GLIS1: variants seen among roughly 807,000 people sequenced by gnomAD.
GLIS1 encodes zinc finger protein GLIS1.
In GLIS1, 24 loss-of-function variants were observed where a neutral mutation model predicts 63.8. The ratio of observed to expected loss-of-function variants is 0.38; its 90% CI spans 0.27 to 0.53. The LOEUF is 0.53. Among genes scored for constraint, GLIS1 ranks in the 20% least tolerant of loss-of-function variants. The probability of loss-of-function intolerance (pLI) is 0.85; values close to 1 mark genes in which losing one functional copy is unlikely to be tolerated. For missense variants in GLIS1, 1,036 were observed against 1,074.1 expected (o/e 0.96, Z 0.50); for synonymous variants, 450 against 482.5 (o/e 0.93, Z 0.88).
At chr1:53,691,338 T>C (rs1195130871) in intron 2 of GLIS1, among the ~76,000 whole-genome samples, 2 of 152,146 alleles carry the variant, frequency 1.3e-5, no homozygotes, top group Non-Finnish European at 2.9e-5. Flanking sequence ...CCTGCTCATC[T>C]CATCATCCCC....
chr1:53,643,341 G>T (rs1469339292), intron 2 of GLIS1, among the ~76,000 whole-genome samples: 1 of 152,214 alleles, frequency 6.6e-6, no homozygotes, highest in Non-Finnish European at 1.5e-5. Context: ...TTTGGTTGGG[G>T]GCAGTAGTGT....
intron 4 of GLIS1, among the ~76,000 whole-genome samples, chr1:53,580,922 C>T (rs1371616308): frequency 6.6e-6 from 1 of 152,166 alleles, no homozygotes; most frequent in East Asian, 1.9e-4. Context: ...CAGAGATGGG[C>T]TTAATGATAA....
At chr1:53,689,744 CATG>C (rs961781931) in intron 2 of GLIS1, among the ~76,000 whole-genome samples, 3 of 152,184 alleles carry the variant, frequency 2.0e-5, no homozygotes, top group African/African-American at 7.2e-5. Context: ...TGTCCAGGAG[CATG>C]GCATCTGTGA....
chr1:53,615,639 C>A (rs1303377698), intron 2 of GLIS1, among the ~76,000 whole-genome samples: 1 of 152,166 alleles, frequency 6.6e-6, no homozygotes. Context: ...TAGTATGATT[C>A]CAAAATTCAA....
chr1:53,588,907 C>A (rs1038690491), intron 4 of GLIS1, among the ~76,000 whole-genome samples: 4 of 152,224 alleles, frequency 2.6e-5, no homozygotes, highest in African/African-American at 9.6e-5. Flanking sequence ...CATGGTAATT[C>A]ATGGCTGGCC....
intron 4 of GLIS1, among the ~76,000 whole-genome samples, chr1:53,532,332 TCAGA>T (rs749882578): frequency 5.9e-5 from 9 of 152,146 alleles, no homozygotes; most frequent in Admixed American, 5.9e-4. Flanking sequence ...GCAGAGCTGC[TCAGA>T]CAGATATGAG....
At position 53,594,434 on chromosome 1, in the gene GLIS1, A is replaced by G. The variant is rs34961060; in HGVS notation, c.994T>C (p.Phe332Leu). The G allele has an allele frequency of 6.1e-3, 9,843 of 1,612,892 alleles. 559 individuals are homozygous for G. In the African/African-American group the frequency reaches 0.12, roughly 19 times the overall value. Residue 332 changes from phenylalanine (F) to leucine (L), a missense_variant, in exon 4 of 11, where the codon TTT becomes CTT. Physicochemically the swap from Phe to Leu is conservative, Grantham distance 22 (BLOSUM62 0). Transcript: ENST00000628545. The part of the protein sequence containing the change: ...QEPADEFSEL[F>L]GPHQQGLPPP... ...GGCAGGCCCTGCTGGTGAGGCCCAA[A>G]GAGCTCTGAAAACTCATCCGCGGGT... is the stretch of plus-strand genomic sequence containing the variant.
chr1:53,732,469 CTT>C (rs11288157), intron 2 of GLIS1, among the ~76,000 whole-genome samples: 23,861 of 145,892 alleles, frequency 0.16, 1,959 homozygotes, highest in South Asian at 0.19. Flanking sequence ...ATGCTGAAAG[CTT>C]TTTTTTTTTT....
intron 2 of GLIS1, among the ~76,000 whole-genome samples, chr1:53,659,737 G>A (rs1646006050): frequency 1.3e-5 from 2 of 152,172 alleles, no homozygotes; most frequent in African/African-American, 4.8e-5. Context: ...GTGCCACCCT[G>A]GGAAAGCTGT....
intron 4 of GLIS1, among the ~76,000 whole-genome samples, chr1:53,537,738 G>A (rs920323301): frequency 2.0e-5 from 3 of 152,236 alleles, no homozygotes; most frequent in African/African-American, 7.2e-5. Context: ...TCTGGACACA[G>A]AGTGAAGAGG....
chr1:53,710,337 G>T (rs920119021), intron 2 of GLIS1, among the ~76,000 whole-genome samples: 1 of 152,258 alleles, frequency 6.6e-6, no homozygotes, highest in Non-Finnish European at 1.5e-5. Context: ...GCCCCTGGGG[G>T]CTGTGCAATA....
At position 53,598,090 on chromosome 1, in the gene GLIS1, T is replaced by G. The variant is rs867481415; in HGVS notation, c.437+2011A>C. 2.6e-5 allele frequency among the ~76,000 whole-genome samples: 4 copies of G among 152,204 alleles called. No homozygotes were observed. Among genetic ancestry groups the G allele is most frequent in the African/African-American group, 9.7e-5 (4 of 41,450 alleles). On this transcript the variant is annotated intron_variant, in intron 3 of 10. Coordinates refer to ENST00000628545, the MANE Select transcript of GLIS1 (RefSeq NM_001367484.1). This position sits in a 1 kb window ranked among gnomAD's most constrained non-coding sequence, Gnocchi z 4.6. ...CACGGCTCAAAAACTATAAGACGCT[T>G]GCTCCTTGCTATGGACTGATTTGTG... is the stretch of plus-strand genomic sequence containing the variant.
In GLIS1 at chr1:53,738,114, G is replaced by T; in HGVS notation, c.-42-8C>A. The stretch of plus-strand genomic sequence containing the variant: ...GGGGGTCGCGCCGGGCTCCTGGGGA[G>T]GGGAGACAGCACAGCCAGTTAGAAT... On this transcript the variant is annotated splice_polypyrimidine_tract_variant and splice_region_variant and intron_variant, in intron 1 of 10. Transcript: ENST00000628545. 8.2e-7 allele frequency: 1 copy of T among 1,220,898 alleles called. No individual in the cohort carries two copies. The highest frequency in any genetic ancestry group is 1.0e-6 in the Non-Finnish European group (1 of 978,838). The allele number at this position is 1,220,898 out of a possible 1,614,324, so 75.6% of individuals were successfully genotyped here. A position where few individuals can be genotyped will look rare whatever the true frequency, so the allele number is the denominator to read the frequency against.
Position 53,594,267 on chromosome 1 carries a change from C to T in GLIS1, c.1161G>A (p.Leu387=), listed in dbSNP as rs1332281305. ...CCAAYEQQEE[L]VRHIEKSHID... ...TGTGGCTCTTCTCGATGTGCCGCAC[C>T]AGCTCCTCCTGCTGCTCATAGGCTG... Residue 387 remains leucine, a synonymous_variant, in exon 4 of 11, where the codon CTG becomes CTA. Coordinates refer to ENST00000628545, the MANE Select transcript of GLIS1 (RefSeq NM_001367484.1). 6.2e-7 allele frequency: 1 copy of T among 1,613,372 alleles called. No homozygotes were observed. Among genetic ancestry groups the T allele is most frequent in the African/African-American group, 1.3e-5 (1 of 74,948 alleles).
At position 53,710,530 on chromosome 1, in the gene GLIS1, G is replaced by C. The variant is rs559518464; in HGVS notation, c.259+27276C>G. ...TTGCTGACTCCAAATCACACACCCT[G>C]TTGCTTACAAATTCCTCCAAGGTTC... On this transcript the variant is annotated intron_variant, in intron 2 of 10. Transcript: ENST00000628545. 6.8e-4 allele frequency among the ~76,000 whole-genome samples: 104 copies of C among 152,370 alleles called. 1 individual carries two copies. In the Middle Eastern group the frequency reaches 0.01, roughly 15 times the overall value.
chr1:53,666,323 C>A (rs958226511), intron 2 of GLIS1, among the ~76,000 whole-genome samples: 1 of 152,188 alleles, frequency 6.6e-6, no homozygotes, highest in Non-Finnish European at 1.5e-5. Context: ...GAAAACTGGG[C>A]TCAGCTAGTA....
At chr1:53,573,129 T>C (rs866809408) in intron 4 of GLIS1, among the ~76,000 whole-genome samples, 1 of 152,186 alleles carries the variant, frequency 6.6e-6, no homozygotes, top group Non-Finnish European at 1.5e-5. Flanking sequence ...CAGGGTCCAA[T>C]GCGAGCCCTG....
At chr1:53,543,456 G>C (rs543794310) in intron 4 of GLIS1, among the ~76,000 whole-genome samples, 3 of 151,798 alleles carry the variant, frequency 2.0e-5, no homozygotes, top group Non-Finnish European at 2.9e-5. Context: ...TGAGGAGTGA[G>C]AGCAGCAGTG....
At chr1:53,603,069 G>A (rs972401309) in intron 2 of GLIS1, among the ~76,000 whole-genome samples, 1 of 152,168 alleles carries the variant, frequency 6.6e-6, no homozygotes, top group Non-Finnish European at 1.5e-5. Context: ...TCTACAGGAA[G>A]AAATAGTCTT....
Sources: gnomAD v4.1 joint callset for allele counts (sites outside exome capture counted in the v4.1 genomes callset) on GRCh38, gnomAD v4.1.1 for gene constraint, Gnocchi (gnomAD v3.1) non-coding constraint, MANE v1.5 for transcripts, NCBI Gene and HGNC (gene_info 2026-07-23, HGNC 2026-07-21) for gene names.